Variants in LAMC3 observed in about 807,000 individuals in gnomAD.
The protein encoded by LAMC3 is laminin subunit gamma 3, also known as laminin subunit gamma-3.
A neutral mutation model predicts 173.8 loss-of-function variants in LAMC3; 128 were observed. The ratio of observed to expected loss-of-function variants is 0.74; its 90% CI spans 0.64 to 0.85. LAMC3 has a LOEUF of 0.85. Among genes scored for constraint, LAMC3 ranks in the 40% least tolerant of loss-of-function variants. LAMC3 has a pLI of 0.00. For missense variants in LAMC3, 2,022 were observed against 2,156.0 expected (o/e 0.94, Z 1.23); for synonymous variants, 897 against 909.1 (o/e 0.99, Z 0.24).
At chr9:131,021,618 TC>T (rs1462275954) in intron 1 of LAMC3, among the ~76,000 whole-genome samples, 4 of 152,086 alleles carry the variant, frequency 2.6e-5, no homozygotes, top group Non-Finnish European at 5.9e-5. Context: ...CAGCTGGGTG[TC>T]CTCTAATTCA....
intron 13 of LAMC3, among the ~76,000 whole-genome samples, chr9:131,066,390 C>G (rs1465574529): frequency 6.6e-6 from 1 of 151,752 alleles, no homozygotes; most frequent in Non-Finnish European, 1.5e-5. Flanking sequence ...ACTAGGGAGG[C>G]TGAGGCAGGA....
chr9:131,031,995 T>C (rs1833832167), intron 2 of LAMC3, 50 bp from the exon 3 acceptor site: 1 of 1,612,778 alleles, frequency 6.2e-7, no homozygotes, highest in Non-Finnish European at 8.5e-7. Context: ...TGGGGGTAAA[T>C]ACTAAATACT....
chr9:131,032,119 C>T lies in LAMC3; in HGVS notation c.753C>T (p.Asp251=), dbSNP rs1588142592. The T allele has an allele frequency of 6.2e-7, 1 of 1,614,090 alleles. No homozygotes were observed. The highest frequency in any genetic ancestry group is 8.5e-7 in the Non-Finnish European group (1 of 1,180,020). The change falls in exon 3 of 28, where the codon GAC becomes GAT. Residue 251 remains aspartate (D), a synonymous_variant. Transcript: ENST00000361069. ...CGTTTGGGGACGACATCTTCAAGGA[C>T]CCCAAGGTGCTCCAGTCCTACTATT... The part of the protein sequence containing the change: ...LNTFGDDIFK[D]PKVLQSYYYA...
intron 21 of LAMC3, 133 bp downstream of exon 21, chr9:131,076,098 C>A: frequency 1.1e-6 from 1 of 925,968 alleles, no homozygotes; most frequent in Non-Finnish European, 1.6e-6. Context: ...TGTCTTGGGT[C>A]TGCATCCTCC....
chr9:131,059,519 AG>A, intron 12 of LAMC3, among the ~76,000 whole-genome samples: 1 of 124,690 alleles, frequency 8.0e-6, no homozygotes, highest in Non-Finnish European at 1.7e-5. Context: ...AAAAAAAAAA[AG>A]ACGTCAGCTG....
At chr9:131,012,407 G>A (rs1162737419) in intron 1 of LAMC3, among the ~76,000 whole-genome samples, 5 of 152,188 alleles carry the variant, frequency 3.3e-5, no homozygotes, top group Admixed American at 6.5e-5. Flanking sequence ...TCATGAGCCC[G>A]GGTCGGAGCC....
At chr9:131,074,033 G>A (rs534884666) in intron 20 of LAMC3, among the ~76,000 whole-genome samples, 127 of 137,752 alleles carry the variant, frequency 9.2e-4, no homozygotes, top group Middle Eastern at 8.3e-3. Flanking sequence ...TGCAAGCTCC[G>A]CCTCCCGGGT....
At chr9:131,083,149 A>G (rs1830272354) in intron 24 of LAMC3, among the ~76,000 whole-genome samples, 1 of 152,222 alleles carries the variant, frequency 6.6e-6, no homozygotes, top group African/African-American at 2.4e-5. Context: ...TCTTAAGGTC[A>G]TCTGCTGCAA....
chr9:131,052,821 G>A (rs766085256), intron 10 of LAMC3, 29 bp from the exon 11 acceptor site: 1 of 1,474,532 alleles, frequency 6.8e-7, no homozygotes, highest in South Asian at 1.1e-5. Context: ...CCTATGTCGG[G>A]ATCTCACTTT....
chr9:131,063,224 T>C (rs1191400330), intron 13 of LAMC3, among the ~76,000 whole-genome samples: 1 of 152,178 alleles, frequency 6.6e-6, no homozygotes, highest in Non-Finnish European at 1.5e-5. Context: ...GGGATGGAGA[T>C]TGCACTGCGG....
intron 23 of LAMC3, 29 bp from the exon 24 acceptor site, chr9:131,082,030 C>A (rs1830251849): frequency 6.3e-7 from 1 of 1,576,978 alleles, no homozygotes; most frequent in Non-Finnish European, 8.7e-7. Flanking sequence ...GTGGAGCCAG[C>A]TGCCCAGCCT....
intron 21 of LAMC3, among the ~76,000 whole-genome samples, chr9:131,076,811 G>A (rs903826420): frequency 2.0e-5 from 3 of 152,178 alleles, no homozygotes; most frequent in Admixed American, 1.3e-4. Context: ...GGGCATGGCC[G>A]AGCCAGGACC....
intron 20 of LAMC3, among the ~76,000 whole-genome samples, chr9:131,073,987 C>T (rs1399882362): frequency 3.7e-4 from 55 of 149,698 alleles, no homozygotes; most frequent in Non-Finnish European, 7.1e-4. Flanking sequence ...CGCTCTGTCC[C>T]CCAGGCTGGA....
chr9:131,022,451 A>G (rs1363540999), intron 1 of LAMC3, among the ~76,000 whole-genome samples: 1 of 152,160 alleles, frequency 6.6e-6, no homozygotes, highest in Non-Finnish European at 1.5e-5. Context: ...TAGGAGATAC[A>G]ATTCACATAC....
chr9:131,075,228 A>G (rs1294380006), intron 20 of LAMC3, among the ~76,000 whole-genome samples: 1 of 152,118 alleles, frequency 6.6e-6, no homozygotes, highest in African/African-American at 2.4e-5. Flanking sequence ...TGATGGCACC[A>G]CTGCACTCCA....
intron 2 of LAMC3, among the ~76,000 whole-genome samples, chr9:131,031,689 C>T (rs1397240380): frequency 2.0e-5 from 3 of 152,214 alleles, no homozygotes; most frequent in South Asian, 2.1e-4. Flanking sequence ...CCGCCCAAAC[C>T]TCAGCTGCTT....
At chr9:131,066,040 A>C (rs542779869) in intron 13 of LAMC3, among the ~76,000 whole-genome samples, 6 of 152,230 alleles carry the variant, frequency 3.9e-5, no homozygotes, top group African/African-American at 1.2e-4. Flanking sequence ...TAATAATACA[A>C]ATAAATTAGC....
chr9:131,046,153 G>GCAT (rs1834151386), intron 8 of LAMC3, among the ~76,000 whole-genome samples: 1 of 145,768 alleles, frequency 6.9e-6, no homozygotes, highest in African/African-American at 2.6e-5. Flanking sequence ...TGTGAGCACT[G>GCAT]CATTTGTCAG....
chr9:131,038,845 TC>T lies in LAMC3; in HGVS notation c.977-15del. The T allele has an allele frequency of 6.2e-7, 1 of 1,612,066 alleles. No individual in the cohort carries two copies. The highest frequency in any genetic ancestry group is 8.5e-7 in the Non-Finnish European group (1 of 1,179,850). On this transcript the variant is annotated intron_variant, in intron 4 of 27. Transcript: ENST00000361069. ...ACATCACAGGGGACTCACACACCTT[TC>T]CCCACTCCTGCCCATAGCCTGCAAC... is the stretch of plus-strand genomic sequence containing the variant.
Sources: allele counts gnomAD v4.1 joint callset (sites outside exome capture counted in the v4.1 genomes callset), GRCh38; gene constraint gnomAD v4.1.1; transcripts MANE v1.5; gene names NCBI Gene and HGNC (gene_info 2026-07-23, HGNC 2026-07-21).